The following ASTN2 variants were observed in gnomAD, a reference collection of about 807,000 sequenced individuals.
The protein encoded by ASTN2 is astrotactin-2.
ASTN2 carries 54 observed loss-of-function variants against 139.8 expected under a neutral mutation model. That is an observed-to-expected ratio of 0.39 (90% CI 0.31 to 0.48). The LOEUF is 0.48. Ranked by LOEUF, ASTN2 falls within the 20% of genes least tolerant of loss-of-function variation. The probability of loss-of-function intolerance (pLI) is 0.95; values close to 1 mark genes in which losing one functional copy is unlikely to be tolerated. For synonymous variants in ASTN2, 756 were observed against 719.5 expected (o/e 1.05, Z -0.81); for missense variants, 1,565 against 1,725.1 (o/e 0.91, Z 1.64).
intron 10 of ASTN2, among the ~76,000 whole-genome samples, chr9:116,906,283 C>T (rs1489161147): frequency 6.6e-6 from 1 of 152,098 alleles, no homozygotes; most frequent in African/African-American, 2.4e-5. Flanking sequence ...GGGAAAGTGG[C>T]CCAGAAAGGA....
chr9:116,559,366 C>G (rs1399201939), intron 19 of ASTN2, among the ~76,000 whole-genome samples: 1 of 152,222 alleles, frequency 6.6e-6, no homozygotes, highest in Non-Finnish European at 1.5e-5. Context: ...GAATACATCT[C>G]TATGCAGAGT....
chr9:116,454,692 T>C (rs2118937010), intron 20 of ASTN2, among the ~76,000 whole-genome samples: 1 of 152,322 alleles, frequency 6.6e-6, no homozygotes, highest in South Asian at 2.1e-4. Flanking sequence ...ATATATACCA[T>C]GGAATACTAT....
At chr9:116,660,429 G>A (rs932838668) in intron 16 of ASTN2, among the ~76,000 whole-genome samples, 8 of 152,124 alleles carry the variant, frequency 5.3e-5, no homozygotes, top group African/African-American at 1.9e-4. Flanking sequence ...GGTGACCTTG[G>A]AACAAGACCT....
intron 1 of ASTN2, among the ~76,000 whole-genome samples, chr9:117,351,708 T>G (rs1829394756): frequency 1.3e-5 from 2 of 152,034 alleles, no homozygotes. Context: ...TGGAAAGGTT[T>G]TGTTGTAATA....
At chr9:116,906,272 T>C (rs1331918663) in intron 10 of ASTN2, among the ~76,000 whole-genome samples, 1 of 152,196 alleles carries the variant, frequency 6.6e-6, no homozygotes, top group Non-Finnish European at 1.5e-5. Flanking sequence ...GACCAAATCC[T>C]GGGAAAGTGG....
In ASTN2 at chr9:117,008,080, C is replaced by A; in HGVS notation, c.1591+12G>T. Reference sequence around the variant, plus strand: ...CCCACCTTCTATCCCCATCCCGGCTCCCATGGCTCACCGGTTTCTGGGTCG... The same window carrying A: ...CCCACCTTCTATCCCCATCCCGGCTACCATGGCTCACCGGTTTCTGGGTCG... On this transcript the variant is annotated intron_variant, in intron 7 of 22. Transcript: ENST00000313400. 2 of 1,580,958 alleles carry A rather than the reference C, an allele frequency of 1.3e-6. No individual in the cohort carries two copies. Among genetic ancestry groups the A allele is most frequent in the Non-Finnish European group, 1.7e-6 (2 of 1,161,668 alleles).
chr9:117,219,608 C>T (rs923172993), intron 2 of ASTN2, among the ~76,000 whole-genome samples: 1 of 152,182 alleles, frequency 6.6e-6, no homozygotes, highest in African/African-American at 2.4e-5. Context: ...GAAATAATAA[C>T]ATCAGTCTAT....
At chr9:117,315,467 T>C (rs1266606427) in intron 1 of ASTN2, among the ~76,000 whole-genome samples, 2 of 152,178 alleles carry the variant, frequency 1.3e-5, no homozygotes, top group Non-Finnish European at 2.9e-5. Flanking sequence ...GTAATCCAAC[T>C]AGGCTTCTTA....
chr9:116,740,305 T>C (rs540873632), intron 13 of ASTN2, among the ~76,000 whole-genome samples: 6 of 152,112 alleles, frequency 3.9e-5, no homozygotes, highest in Non-Finnish European at 8.8e-5. Flanking sequence ...TGCATCTTCT[T>C]TGTAGATTCC....
chr9:116,627,246 C>T (rs911435476), intron 17 of ASTN2, among the ~76,000 whole-genome samples: 1 of 152,140 alleles, frequency 6.6e-6, no homozygotes, highest in African/African-American at 2.4e-5. Flanking sequence ...GAAAAGGTAG[C>T]AACTAGGGAG....
intron 4 of ASTN2, among the ~76,000 whole-genome samples, chr9:117,118,526 G>A (rs191135126): frequency 7.1e-4 from 108 of 152,200 alleles, no homozygotes; most frequent in African/African-American, 2.5e-3. Context: ...CACTCTCCAG[G>A]CTTCTACATT....
intron 13 of ASTN2, among the ~76,000 whole-genome samples, chr9:116,799,090 G>A (rs1830774277): frequency 8.7e-6 from 1 of 114,778 alleles, no homozygotes; most frequent in Admixed American, 1.1e-4. Flanking sequence ...GCGGGGGGAG[G>A]GAAAGAGGTG....
chr9:117,232,180 G>A (rs1232244681), intron 2 of ASTN2, among the ~76,000 whole-genome samples: 1 of 152,116 alleles, frequency 6.6e-6, no homozygotes, highest in East Asian at 1.9e-4. Flanking sequence ...CCGTTTAATG[G>A]GCATCATGAG....
At chr9:116,657,984 T>C (rs73530814) in intron 16 of ASTN2, among the ~76,000 whole-genome samples, 7,237 of 151,796 alleles carry the variant, frequency 0.048, 564 homozygotes, top group African/African-American at 0.17. Context: ...ACCTCCTGGA[T>C]TCAAGCAATT....
chr9:117,226,880 T>C (rs1176060914), intron 2 of ASTN2, among the ~76,000 whole-genome samples: 2 of 152,180 alleles, frequency 1.3e-5, no homozygotes, highest in Non-Finnish European at 2.9e-5. Context: ...GTGTTGCAGA[T>C]TCACAGGGCT....
At chr9:116,788,856 T>TC (rs1429352774) in intron 13 of ASTN2, among the ~76,000 whole-genome samples, 11 of 152,284 alleles carry the variant, frequency 7.2e-5, no homozygotes, top group Admixed American at 3.9e-4. Flanking sequence ...TATATTACTT[T>TC]CCCTTTACAC....
At chr9:117,153,128 A>G (rs1830359905) in intron 3 of ASTN2, among the ~76,000 whole-genome samples, 1 of 151,620 alleles carries the variant, frequency 6.6e-6, no homozygotes, top group Non-Finnish European at 1.5e-5. Flanking sequence ...GGAACTCAGG[A>G]TGTGCTAGTT....
chr9:117,182,241 A>T (rs1316768068), intron 3 of ASTN2, among the ~76,000 whole-genome samples: 1 of 149,588 alleles, frequency 6.7e-6, no homozygotes, highest in Non-Finnish European at 1.5e-5. Flanking sequence ...TCCAAAAAAA[A>T]AAAAATAATA....
At chr9:116,517,244 C>G (rs970599008) in intron 19 of ASTN2, among the ~76,000 whole-genome samples, 2 of 152,196 alleles carry the variant, frequency 1.3e-5, no homozygotes, top group African/African-American at 2.4e-5. Context: ...CAACTGAGGA[C>G]CATCACAGAG....
Sources: gnomAD v4.1 joint callset for allele counts (sites outside exome capture counted in the v4.1 genomes callset) on GRCh38, gnomAD v4.1.1 for gene constraint, MANE v1.5 for transcripts, NCBI Gene and HGNC (gene_info 2026-07-23, HGNC 2026-07-21) for gene names.